The following ZNF705G variants were observed in gnomAD, a reference collection of about 807,000 sequenced individuals.
ZNF705G encodes putative zinc finger protein 705G.
A neutral mutation model predicts 19.6 loss-of-function variants in ZNF705G; 23 were observed. The ratio of observed to expected loss-of-function variants is 1.17; its 90% CI spans 0.84 to 1.66. The LOEUF (loss-of-function observed/expected upper bound fraction) is 1.66, where lower values mean the gene tolerates loss of function less well. Among genes scored for constraint, ZNF705G ranks in the 40% most tolerant of loss-of-function variants. The pLI is 0.00. For missense variants in ZNF705G, 457 were observed against 354.4 expected (o/e 1.29, Z -2.32); for synonymous variants, 146 against 117.7 (o/e 1.24, Z -1.56).
chr8:7,362,297 T>A (rs1262988722), intron 3 of ZNF705G, among the ~76,000 whole-genome samples: 1 of 149,822 alleles, frequency 6.7e-6, no homozygotes, highest in Non-Finnish European at 1.5e-5. Context: ...AAAGGTAAAG[T>A]GAATGGGGAT....
chr8:7,365,449 G>T (rs1190378744), intron 2 of ZNF705G, among the ~76,000 whole-genome samples: 2 of 146,152 alleles, frequency 1.4e-5, no homozygotes, highest in African/African-American at 5.5e-5. Context: ...CGCGATCTCG[G>T]CTCACCGCAA....
intron 1 of ZNF705G, among the ~76,000 whole-genome samples, chr8:7,382,208 A>C (rs1283404072): frequency 6.6e-5 from 10 of 150,490 alleles, no homozygotes; most frequent in Admixed American, 2.0e-4. Flanking sequence ...CAACAACGAC[A>C]ACAATTCATC....
intron 2 of ZNF705G, among the ~76,000 whole-genome samples, chr8:7,365,706 T>A (rs1423652011): frequency 6.7e-6 from 1 of 149,532 alleles, no homozygotes; most frequent in Non-Finnish European, 1.5e-5. Context: ...GGAACCATTC[T>A]GCATCCTCAA....
At chr8:7,364,751 G>C (rs573363862) in intron 2 of ZNF705G, among the ~76,000 whole-genome samples, 1 of 149,262 alleles carries the variant, frequency 6.7e-6, no homozygotes, top group Non-Finnish European at 1.5e-5. Context: ...TTATTCCTTG[G>C]ACTATTTTCT....
intron 5 of ZNF705G, 57 bp downstream of exon 5, chr8:7,360,180 A>T (rs1260067728): frequency 1.5e-5 from 24 of 1,554,140 alleles, no homozygotes; most frequent in Middle Eastern, 2.3e-4. Context: ...TATTCAACTG[A>T]TATTATTCAT....
At chr8:7,359,282 G>A (rs1321505722) in intron 6 of ZNF705G, among the ~76,000 whole-genome samples, 1 of 149,554 alleles carries the variant, frequency 6.7e-6, no homozygotes, top group African/African-American at 2.6e-5. Flanking sequence ...TTTCTCGATT[G>A]ACAATTGCAT....
chr8:7,366,995 C>G (rs1806886529), intron 2 of ZNF705G, among the ~76,000 whole-genome samples: 1 of 149,574 alleles, frequency 6.7e-6, no homozygotes, highest in Admixed American at 6.6e-5. Context: ...AGTTTATAGT[C>G]ACATGTGACT....
intron 1 of ZNF705G, among the ~76,000 whole-genome samples, chr8:7,382,013 T>A (rs1359683207): frequency 6.6e-6 from 1 of 152,200 alleles, no homozygotes; most frequent in Non-Finnish European, 1.5e-5. Context: ...TTTAGCCAAT[T>A]TCTACATGTA....
rs1230690056 is a variant in ZNF705G at position 7,373,124 on chromosome 8, ACT to A, written c.-72+8326_-72+8327del. The A allele has an allele frequency of 1.3e-4, 27 of 210,886 alleles. 3 individuals are homozygous for A. The Admixed American group carries it at 5.7e-3, about 45-fold the overall frequency. 13.1% of individuals were successfully genotyped at this position (210,886 alleles called of 1,614,324 possible). ...CTCTGCCTCCTGGAAATGAAGCCAA[ACT>A]TTTTTCTTTCTTCAGCCATGAGGAT... is the stretch of plus-strand genomic sequence containing the variant. On this transcript the variant is annotated intron_variant, in intron 2 of 6. Transcript: ENST00000400156.
intron 2 of ZNF705G, among the ~76,000 whole-genome samples, chr8:7,380,817 C>G (rs1807457325): frequency 6.9e-6 from 1 of 144,650 alleles, no homozygotes; most frequent in South Asian, 2.1e-4. Context: ...GTCGGGAGTT[C>G]AAGACCAGCC....
chr8:7,362,083 T>C (rs1175783678), intron 3 of ZNF705G, among the ~76,000 whole-genome samples: 5 of 149,578 alleles, frequency 3.3e-5, no homozygotes, highest in Non-Finnish European at 7.4e-5. Flanking sequence ...TCTTTTAAAT[T>C]TACCTTCTCA....
intron 2 of ZNF705G, among the ~76,000 whole-genome samples, chr8:7,368,938 G>A (rs1194015238): frequency 6.7e-6 from 1 of 149,654 alleles, no homozygotes; most frequent in Admixed American, 6.6e-5. Flanking sequence ...TGCTGATAAA[G>A]GTATACCTGA....
In ZNF705G at chr8:7,385,248, A is replaced by G. The variant is rs28482977; in HGVS notation, c.-222+250T>C. ...TCACTTCCCAAATGTTCCGCTTCTT[A>G]ATACTATTGCATTGGGGATTAGATT... is the stretch of plus-strand genomic sequence containing the variant. On this transcript the variant is annotated intron_variant, in intron 1 of 6. Transcript: ENST00000400156. Among the ~76,000 whole-genome samples the G allele has an allele frequency of 8.4e-4, 125 of 149,406 alleles. 3 individuals are homozygous for G. Among genetic ancestry groups the G allele is most frequent in the African/African-American group, 3.2e-3 (123 of 38,826 alleles).
At chr8:7,368,355 T>C (rs1303562952) in intron 2 of ZNF705G, among the ~76,000 whole-genome samples, 1 of 149,576 alleles carries the variant, frequency 6.7e-6, no homozygotes, top group Non-Finnish European at 1.5e-5. Context: ...TAGAAAGCAT[T>C]CGCAGTCAAG....
At chr8:7,369,089 T>C (rs1405798513) in intron 2 of ZNF705G, among the ~76,000 whole-genome samples, 6 of 149,436 alleles carry the variant, frequency 4.0e-5, no homozygotes, top group Non-Finnish European at 7.4e-5. Flanking sequence ...GGTTTCCCCT[T>C]ATCAAACCAT....
At chr8:7,360,049 G>C (rs1481329685) in intron 5 of ZNF705G, among the ~76,000 whole-genome samples, 188 bp downstream of exon 5, 2 of 149,404 alleles carry the variant, frequency 1.3e-5, no homozygotes, top group Non-Finnish European at 2.9e-5. Flanking sequence ...AGAAAAAAAA[G>C]AGGACACAAG....
chr8:7,368,956 C>A (rs552570765), intron 2 of ZNF705G, among the ~76,000 whole-genome samples: 2 of 149,700 alleles, frequency 1.3e-5, no homozygotes, highest in South Asian at 2.1e-4. Context: ...TGAGACTGGG[C>A]AATTTACAAA....
chr8:7,367,106 T>C lies in ZNF705G; in HGVS notation c.-71-4089A>G, dbSNP rs1325263621. ...AAAAATGGAAAAGGCACACAAATAGTGAACACAGAATATGAGAATGTGAAG... is the reference window on the plus strand; with the variant it reads ...AAAAATGGAAAAGGCACACAAATAGCGAACACAGAATATGAGAATGTGAAG... On this transcript the variant is annotated intron_variant, in intron 2 of 6. Transcript: ENST00000400156. Among the ~76,000 whole-genome samples, 8 of 149,514 alleles carry C rather than the reference T, an allele frequency of 5.4e-5. 1 individual carries two copies. Among genetic ancestry groups the C allele is most frequent in the African/African-American group, 1.8e-4 (7 of 38,914 alleles).
In ZNF705G at chr8:7,369,726, T is replaced by G. The variant is rs548346286; in HGVS notation, c.-71-6709A>C. ...GGAATACTACACAACCATAAAAAAT[T>G]TATGTCCTTTGCACCAACATGGATG... On this transcript the variant is annotated intron_variant, in intron 2 of 6. Transcript: ENST00000400156. 3.3e-5 allele frequency among the ~76,000 whole-genome samples: 5 copies of G among 149,568 alleles called. No homozygotes were observed. In the East Asian group the frequency reaches 7.7e-4, roughly 23 times the overall value.
Sources: allele counts gnomAD v4.1 joint callset (sites outside exome capture counted in the v4.1 genomes callset), GRCh38; gene constraint gnomAD v4.1.1; transcripts MANE v1.5; gene names NCBI Gene and HGNC (gene_info 2026-07-23, HGNC 2026-07-21).